Variants in KIF17 observed in about 807,000 individuals in gnomAD.
KIF17 encodes the protein kinesin family member 17.
Under a neutral mutation model 96.8 loss-of-function variants are expected in KIF17, and 80 were observed. That is an observed-to-expected ratio of 0.83 (90% CI 0.69 to 1.00). KIF17 has a LOEUF of 1.00. Among genes scored for constraint, KIF17 ranks in the 50% least tolerant of loss-of-function variants. KIF17 has a pLI of 0.00. For missense variants in KIF17, 1,280 were observed against 1,372.9 expected (o/e 0.93, Z 1.07); for synonymous variants, 567 against 587.5 (o/e 0.97, Z 0.51).
In KIF17 at chr1:20,669,890, A is replaced by C. The variant is rs2053608580; in HGVS notation, c.2790+531T>G. Among the ~76,000 whole-genome samples the C allele has an allele frequency of 2.1e-5, 3 of 145,524 alleles. No homozygotes were observed. The South Asian group carries it at 6.5e-4, about 31-fold the overall frequency. ...AAAAAAAAAAAAAAAAAAAAAAAAA[A>C]AAAAAAAAAAAAAACAACCACCACC... is the stretch of plus-strand genomic sequence containing the variant. On this transcript the variant is annotated intron_variant, in intron 13 of 14. Transcript: ENST00000400463.
intron 6 of KIF17, among the ~76,000 whole-genome samples, chr1:20,698,030 A>G (rs537564123): frequency 4.0e-4 from 61 of 152,320 alleles, no homozygotes; most frequent in Non-Finnish European, 8.8e-5. Flanking sequence ...TTCCACAGCC[A>G]GGGATGCCTT....
chr1:20,714,897 C>T (rs1446928385), intron 2 of KIF17, among the ~76,000 whole-genome samples: 1 of 151,834 alleles, frequency 6.6e-6, no homozygotes, highest in East Asian at 1.9e-4. Flanking sequence ...CTACATGTTG[C>T]TGTGGCCACC....
chr1:20,667,838 T>C (rs1446793044), intron 13 of KIF17, among the ~76,000 whole-genome samples: 1 of 151,902 alleles, frequency 6.6e-6, no homozygotes, highest in African/African-American at 2.4e-5. Flanking sequence ...AGAAACCCTG[T>C]CTCTACTAAA....
intron 12 of KIF17, 147 bp from the exon 13 acceptor site, chr1:20,670,635 C>T (rs982484335): frequency 1.3e-6 from 1 of 768,566 alleles, no homozygotes; most frequent in Non-Finnish European, 2.3e-6. Context: ...TTTTAAGAAA[C>T]AGACAGCAGG....
At chr1:20,716,580 C>T (rs978754151) in intron 1 of KIF17, among the ~76,000 whole-genome samples, 1 of 152,090 alleles carries the variant, frequency 6.6e-6, no homozygotes, top group Non-Finnish European at 1.5e-5. Flanking sequence ...GAGTGGGGCT[C>T]GTACTTTGCC....
In KIF17 at chr1:20,686,103, C is replaced by T. The variant is rs1165097767; in HGVS notation, c.1962G>A (p.Leu654=). 6.4e-7 allele frequency: 1 copy of T among 1,568,142 alleles called. No homozygotes were observed. The highest frequency in any genetic ancestry group is 8.6e-7 in the Non-Finnish European group (1 of 1,156,198). ...CTTCGGGCCTGGCATCACTGGGCTCCAGCAGGTCTGTCGGCGCAGGGACCT... is the reference window on the plus strand; with the variant it reads ...CTTCGGGCCTGGCATCACTGGGCTCTAGCAGGTCTGTCGGCGCAGGGACCT... The part of the protein sequence containing the change: ...PVQVPAPTDL[L]EPSDARPEAE... Residue 654 remains leucine (L), a synonymous_variant, in exon 9 of 15, where the codon CTG becomes CTA. Transcript: ENST00000400463.
chr1:20,682,689 C>T lies in KIF17; in HGVS notation c.2427G>A (p.Arg809=). 6.2e-7 allele frequency: 1 copy of T among 1,614,016 alleles called. No individual in the cohort carries two copies. The highest frequency in any genetic ancestry group is 1.3e-5 in the African/African-American group (1 of 75,038). The change falls in exon 11 of 15, where the codon CGG becomes CGA. Residue 809 remains arginine (R), a synonymous_variant. Coordinates refer to ENST00000400463, the MANE Select transcript of KIF17 (RefSeq NM_001122819.3). ...TCTTCTCCAGCAGCTTGCTCTTGGCCCGCACTTCCTCCTGGATGGAGTCGT... is the reference window on the plus strand; with the variant it reads ...TCTTCTCCAGCAGCTTGCTCTTGGCTCGCACTTCCTCCTGGATGGAGTCGT... ...NVYDSIQEEV[R]AKSKLLEKMQ...
intron 3 of KIF17, among the ~76,000 whole-genome samples, chr1:20,713,008 T>C (rs2054505298): frequency 7.0e-6 from 1 of 142,700 alleles, no homozygotes; most frequent in Non-Finnish European, 1.5e-5. Flanking sequence ...TAGATATATA[T>C]ATTTTGAGAC....
intron 6 of KIF17, among the ~76,000 whole-genome samples, chr1:20,695,167 C>T (rs571158672): frequency 1.3e-5 from 2 of 152,176 alleles, no homozygotes; most frequent in Admixed American, 1.3e-4. Context: ...CACAGCACCA[C>T]CAATCTCCAT....
chr1:20,687,569 G>A lies in KIF17; in HGVS notation c.1757C>T (p.Ala586Val). 6.2e-7 allele frequency: 1 copy of A among 1,613,950 alleles called. No homozygotes were observed. The stretch of plus-strand genomic sequence containing the variant: ...GTTCTGTTCCCCCAGCAGGTGCCCA[G>A]CGGCCTCCTGCCCGAGGCACTCATC... ...FLDECLGQEA[A>V]GHLLGEQNYL... Residue 586 changes from alanine (A) to valine (V), a missense_variant, in exon 8 of 15, where the codon GCT becomes GTT. Physicochemically the swap from Ala to Val is moderately conservative, Grantham distance 64. Coordinates refer to ENST00000400463, the MANE Select transcript of KIF17 (RefSeq NM_001122819.3). The surrounding 1 kb of genome is among the most constrained non-coding windows in gnomAD (Gnocchi z 4.4).
intron 5 of KIF17, among the ~76,000 whole-genome samples, chr1:20,701,677 G>A (rs1035741815): frequency 6.6e-6 from 1 of 152,116 alleles, no homozygotes; most frequent in Non-Finnish European, 1.5e-5. Context: ...AGGGCAGAGG[G>A]CATGTAGGAA....
rs747719983 is a variant in KIF17 at position 20,705,893 on chromosome 1, C to CTTTT, written c.671-998_671-995dup. Among the ~76,000 whole-genome samples the CTTTT allele has an allele frequency of 1.5e-3, 83 of 53,554 alleles. 15 individuals are homozygous for CTTTT. The highest frequency in any genetic ancestry group is 2.1e-3 in the Non-Finnish European group (58 of 28,136). The allele number at this position is 53,554 out of a possible 152,430, so 35.1% of individuals were successfully genotyped here. A position where few individuals can be genotyped will look rare whatever the true frequency, so the allele number is the denominator to read the frequency against. On this transcript the variant is annotated intron_variant, in intron 4 of 14. Coordinates refer to ENST00000400463, the MANE Select transcript of KIF17 (RefSeq NM_001122819.3). ...GTCTATAATCCTCAGTAGGATGTCTCTTTTTTTTTTTTTTTTTTTTTTTTT... is the reference window on the plus strand; with the variant it reads ...GTCTATAATCCTCAGTAGGATGTCTCTTTTTTTTTTTTTTTTTTTTTTTTTTTTT...
chr1:20,716,271 T>TAA (rs2054576812), intron 1 of KIF17, among the ~76,000 whole-genome samples: 1 of 151,016 alleles, frequency 6.6e-6, no homozygotes, highest in African/African-American at 2.4e-5. Flanking sequence ...ATCAATATCT[T>TAA]AAAGGGTAAG....
rs117874102 is a variant in KIF17 at position 20,712,263 on chromosome 1, G to A, written c.480+1191C>T. Among the ~76,000 whole-genome samples the A allele has an allele frequency of 6.2e-4, 94 of 152,098 alleles. 3 individuals carry two copies. The East Asian group carries it at 0.017, about 28-fold the overall frequency. ...TAACTCCACAGGCTGGCCTTCTGGGGCTGACATGTGGGAGCAACACCCTCT... is the reference window on the plus strand; with the variant it reads ...TAACTCCACAGGCTGGCCTTCTGGGACTGACATGTGGGAGCAACACCCTCT... On this transcript the variant is annotated intron_variant, in intron 3 of 14. Coordinates refer to ENST00000400463, the MANE Select transcript of KIF17 (RefSeq NM_001122819.3).
At chr1:20,666,545 A>C (rs906073599) in intron 13 of KIF17, among the ~76,000 whole-genome samples, 3 of 152,172 alleles carry the variant, frequency 2.0e-5, no homozygotes, top group African/African-American at 7.2e-5. Context: ...CCAGGAAGTC[A>C]GTCTCCAGCC....
chr1:20,669,864 CAAAAAAAAAAAAAAAA>C (rs61673996), intron 13 of KIF17, among the ~76,000 whole-genome samples: 5,485 of 18,298 alleles, frequency 0.3, 210 homozygotes, highest in South Asian at 0.36. Context: ...GACTCCATCT[CAAAAAAAAAAAAAAAA>C]AAAAAAAAAA....
In KIF17 at chr1:20,664,712, C is replaced by A; in HGVS notation, c.2959G>T (p.Ala987Ser). ...TCAGGGGCCTGGGTGGGTGGGATGG[C>A]AGAGTTGTTGCTGAGTGGGCAGCTG... ...GLSCPLSNNS[A>S]IPPTQAPEMP... is the part of the protein sequence containing the mutation. Residue 987 changes from alanine to serine, a missense_variant, in exon 15 of 15, where the codon GCC becomes TCC. Physicochemically the swap from Ala to Ser is moderately conservative, Grantham distance 99. Coordinates refer to ENST00000400463, the MANE Select transcript of KIF17 (RefSeq NM_001122819.3). 6.2e-7 allele frequency: 1 copy of A among 1,612,494 alleles called. No homozygotes were observed. Among genetic ancestry groups the A allele is most frequent in the East Asian group, 2.2e-5 (1 of 44,870 alleles).
At chr1:20,670,036 A>C (rs1331538633) in intron 13 of KIF17, among the ~76,000 whole-genome samples, 4 of 151,034 alleles carry the variant, frequency 2.6e-5, no homozygotes, top group Non-Finnish European at 5.9e-5. Context: ...GGGAAAATAA[A>C]GTGACTTAGG....
intron 13 of KIF17, among the ~76,000 whole-genome samples, chr1:20,669,687 C>A (rs1171247897): frequency 6.7e-6 from 1 of 149,216 alleles, no homozygotes; most frequent in Admixed American, 6.7e-5. Context: ...TCCTGGCCAA[C>A]CCGGTGAAAC....
Sources: gnomAD v4.1 joint callset for allele counts (sites outside exome capture counted in the v4.1 genomes callset) on GRCh38, gnomAD v4.1.1 for gene constraint, Gnocchi (gnomAD v3.1) non-coding constraint, MANE v1.5 for transcripts, NCBI Gene and HGNC (gene_info 2026-07-23, HGNC 2026-07-21) for gene names.